Variants in ATP1A3 observed in about 807,000 individuals in gnomAD.
ATP1A3 encodes ATPase Na+/K+ transporting subunit alpha 3, also known as sodium/potassium-transporting ATPase subunit alpha-3.
Under a neutral mutation model 108.8 loss-of-function variants are expected in ATP1A3, and 12 were observed. That is an observed-to-expected ratio of 0.11 (90% CI 0.07 to 0.18). The LOEUF (loss-of-function observed/expected upper bound fraction) is 0.18, where lower values mean the gene tolerates loss of function less well. Ranked by LOEUF, ATP1A3 falls within the 10% of genes least tolerant of loss-of-function variation. The pLI, the probability that ATP1A3 is intolerant of heterozygous loss-of-function variation, is 1.00. For missense variants in ATP1A3, 498 were observed against 1,387.7 expected, an observed-to-expected ratio of 0.36 and a Z score of 10.19; for synonymous variants, 539 against 564.5, an observed-to-expected ratio of 0.95 and a Z score of 0.64.
chr19:41,987,108 G>A (rs2075294278), intron 4 of ATP1A3, among the ~76,000 whole-genome samples: 1 of 152,154 alleles, frequency 6.6e-6, no homozygotes, highest in African/African-American at 2.4e-5. Flanking sequence ...GCGGCTGTCT[G>A]TCCATGTGTC....
At position 41,990,751 on chromosome 19, in the gene ATP1A3, CCTCT is replaced by C. The variant is rs537138242; in HGVS notation, c.7-2193_7-2190del. Among the ~76,000 whole-genome samples, 23 of 146,724 alleles carry C rather than the reference CCTCT, an allele frequency of 1.6e-4. No homozygotes were observed. In the East Asian group the frequency reaches 2.8e-3, roughly 18 times the overall value. On this transcript the variant is annotated intron_variant, in intron 1 of 22. Coordinates refer to ENST00000648268, the MANE Select transcript of ATP1A3 (RefSeq NM_152296.5). ...TTTCGCTGTCTGTCTCTGGGATCTT[CCTCT>C]CTCTCTCTGTCTCTTTCTCTCACTT...
In ATP1A3 at chr19:41,985,553, G is replaced by C. The variant is rs529358982; in HGVS notation, c.607-130C>G. ...CTAGAAGCCTGGGTGCCCAGTGGGT[G>C]AGTGGTGTGTGGGAGGCCAGAGGCT... On this transcript the variant is annotated intron_variant, in intron 6 of 22. Coordinates refer to ENST00000648268, the MANE Select transcript of ATP1A3 (RefSeq NM_152296.5). The surrounding 1 kb of genome is among the most constrained non-coding windows in gnomAD (Gnocchi z 8.2). The C allele has an allele frequency of 2.0e-6, 2 of 991,224 alleles. No individual in the cohort carries two copies. The highest frequency in any genetic ancestry group is 2.2e-4 in the Middle Eastern group (1 of 4,476). 61.4% of individuals were successfully genotyped at this position (991,224 alleles called of 1,614,324 possible).
At position 41,976,536 on chromosome 19, in the gene ATP1A3, G is replaced by A. The variant is rs145869619; in HGVS notation, c.1974C>T (p.Thr658=). The change falls in exon 15 of 23, where the codon ACC becomes ACT. Residue 658 remains threonine, a synonymous_variant. Transcript: ENST00000648268. ...RDAKACVIHG[T]DLKDFTSEQI... ...GCTCGGAGGTGAAGTCCTTGAGGTC[G>A]GTGCCGTGGATCACGCAGGCCTTGG... 85 of 1,614,132 alleles carry A rather than the reference G, an allele frequency of 5.3e-5. 1 individual carries two copies. Among genetic ancestry groups the A allele is most frequent in the East Asian group, 4.7e-4 (21 of 44,874 alleles).
intron 16 of ATP1A3, among the ~76,000 whole-genome samples, chr19:41,974,403 A>G (rs1164281069): frequency 6.6e-6 from 1 of 152,004 alleles, no homozygotes; most frequent in African/African-American, 2.4e-5. Flanking sequence ...TGATTGTGCC[A>G]CTGCACTCCA....
intron 1 of ATP1A3, chr19:41,993,367 C>A: frequency 6.5e-7 from 1 of 1,531,890 alleles, no homozygotes; most frequent in Non-Finnish European, 8.7e-7. Flanking sequence ...CACGCACACC[C>A]TCAGCTGTGC....
At chr19:41,979,299 G>C (rs2145967302) in intron 11 of ATP1A3, among the ~76,000 whole-genome samples, 1 of 149,756 alleles carries the variant, frequency 6.7e-6, no homozygotes, top group Admixed American at 6.6e-5. Context: ...CACCACGTCT[G>C]TGCTCCCCTC....
At chr19:41,984,777 C>T in intron 8 of ATP1A3, 141 bp downstream of exon 8, 2 of 1,003,970 alleles carry the variant, frequency 2.0e-6, no homozygotes, top group East Asian at 5.3e-5. Flanking sequence ...CCCAGCCCCT[C>T]CTCCCCCAGA....
Position 41,988,394 on chromosome 19 carries a change from T to G in ATP1A3, c.94-17A>C, listed in dbSNP as rs1555866222. On this transcript the variant is annotated splice_polypyrimidine_tract_variant and intron_variant, in intron 2 of 22. Coordinates refer to ENST00000648268, the MANE Select transcript of ATP1A3 (RefSeq NM_152296.5). The surrounding 1 kb of genome is among the most constrained non-coding windows in gnomAD (Gnocchi z 5.3). Reference sequence around the variant, plus strand: ...GTGCTCTGTCTGAGGAACAGGAGTTTGGGGGAGACGGTGAGTGCCTAGGCC... The same window carrying G: ...GTGCTCTGTCTGAGGAACAGGAGTTGGGGGGAGACGGTGAGTGCCTAGGCC... The G allele has an allele frequency of 6.2e-7, 1 of 1,614,102 alleles. No individual in the cohort carries two copies. Among genetic ancestry groups the G allele is most frequent in the East Asian group, 2.2e-5 (1 of 44,870 alleles).
chr19:41,972,996 T>G (rs2075130047), intron 16 of ATP1A3, among the ~76,000 whole-genome samples: 1 of 152,178 alleles, frequency 6.6e-6, no homozygotes, highest in Admixed American at 6.5e-5. Flanking sequence ...AATAAGGGCC[T>G]GGGCCGCTCC....
intron 8 of ATP1A3, among the ~76,000 whole-genome samples, chr19:41,983,766 A>AAT (rs2075258992): frequency 9.9e-6 from 1 of 101,266 alleles, no homozygotes; most frequent in Admixed American, 1.1e-4. Flanking sequence ...ATTTAAAAAA[A>AAT]TTTTTTTTTT....
chr19:41,991,473 C>T (rs569036939), intron 1 of ATP1A3, among the ~76,000 whole-genome samples: 252 of 152,220 alleles, frequency 1.7e-3, no homozygotes, highest in African/African-American at 5.8e-3. Flanking sequence ...CCTACAGTGC[C>T]GGGGTGGTCT....
At chr19:41,993,044 TC>T (rs1255206199) in intron 1 of ATP1A3, 1 of 22,644 alleles carries the variant, frequency 4.4e-5, no homozygotes, top group African/African-American at 1.8e-4. Flanking sequence ...TGCAGCCCCA[TC>T]CCCCACCTCC....
At chr19:41,970,603 C>T in intron 16 of ATP1A3, 61 bp from the exon 17 acceptor site, 1 of 1,573,666 alleles carries the variant, frequency 6.4e-7, no homozygotes, top group South Asian at 1.1e-5. Context: ...CCCTCTGCCC[C>T]TCCTCTGCCC....
rs781980860 is a variant in ATP1A3 at position 41,966,639 on chromosome 19, G to C, written c.*298C>G. 1.3e-6 allele frequency: 2 copies of C among 1,497,284 alleles called. No homozygotes were observed. The highest frequency in any genetic ancestry group is 1.8e-6 in the Non-Finnish European group (2 of 1,113,098). 92.7% of individuals were successfully genotyped at this position (1,497,284 alleles called of 1,614,324 possible). A position where few individuals can be genotyped will look rare whatever the true frequency, so the allele number is the denominator to read the frequency against. ...TCCAGAACCAGAGATGGCATCAGCCGGGGGGCTGAAGGGGAGTAAAAAAGA... is the reference window on the plus strand; with the variant it reads ...TCCAGAACCAGAGATGGCATCAGCCCGGGGGCTGAAGGGGAGTAAAAAAGA... On this transcript the variant is annotated 3_prime_UTR_variant, in exon 23 of 23. Transcript: ENST00000648268.
rs2075045569 is a variant in ATP1A3, at chr19:41,966,719, A to G, written c.*218T>C. 1.3e-6 allele frequency: 2 copies of G among 1,536,046 alleles called. No homozygotes were observed. Among genetic ancestry groups the G allele is most frequent in the African/African-American group, 2.8e-5 (2 of 72,304 alleles). ...TGGATAGAGGGGTGAGGAGAGGGAG[A>G]GAAACTGACACAGAAAAGAGAGAGG... On this transcript the variant is annotated 3_prime_UTR_variant, in exon 23 of 23. Transcript: ENST00000648268.
At chr19:41,986,331 G>A (rs933653224) in intron 4 of ATP1A3, 102 bp from the exon 5 acceptor site, 6 of 1,128,988 alleles carry the variant, frequency 5.3e-6, no homozygotes, top group Non-Finnish European at 5.2e-6. Flanking sequence ...GTCAGTGGGG[G>A]TCTGTATTTG....
In ATP1A3 at chr19:41,967,825, CAG is replaced by C. The variant is rs1437382012; in HGVS notation, c.2820-64_2820-63del. 15 of 1,479,156 alleles carry C rather than the reference CAG, an allele frequency of 1.0e-5. No homozygotes were observed. The African/African-American group carries it at 1.5e-4, about 15-fold the overall frequency. 91.6% of individuals were successfully genotyped at this position (1,479,156 alleles called of 1,614,324 possible). On this transcript the variant is annotated intron_variant, in intron 20 of 22. Coordinates refer to ENST00000648268, the MANE Select transcript of ATP1A3 (RefSeq NM_152296.5). The surrounding 1 kb of genome is among the most constrained non-coding windows in gnomAD (Gnocchi z 4.2). ...CACCCACCCTGCACCTGCCACCCCG[CAG>C]AGACAGGGGGAGGCACAGTGCAGAC... is the stretch of plus-strand genomic sequence containing the variant.
intron 18 of ATP1A3, among the ~76,000 whole-genome samples, chr19:41,969,963 G>A (rs1555859394): frequency 1.3e-5 from 2 of 152,218 alleles, no homozygotes; most frequent in Non-Finnish European, 2.9e-5. Flanking sequence ...AGCCCCCAAG[G>A]GTGGCTGCTC....
chr19:41,985,074 C>A lies in ATP1A3; in HGVS notation c.837G>T (p.Glu279Asp). Residue 279 changes from glutamate to aspartate, a missense_variant, in exon 8 of 23, where the codon GAG becomes GAT. Physicochemically the swap from Glu to Asp is conservative, Grantham distance 45. Transcript: ENST00000648268. This position sits in a 1 kb window ranked among gnomAD's most constrained non-coding sequence, Gnocchi z 8.2. The part of the protein sequence containing the change: ...VGKTPIAIEI[E>D]HFIQLITGVA... ...CGCCGGTGATGAGCTGGATGAAGTG[C>A]TCAATCTCGATGGCGATGGGCGTCT... The A allele has an allele frequency of 6.2e-7, 1 of 1,613,908 alleles. No homozygotes were observed. Among genetic ancestry groups the A allele is most frequent in the Non-Finnish European group, 8.5e-7 (1 of 1,179,914 alleles).
Sources: allele counts gnomAD v4.1 joint callset (sites outside exome capture counted in the v4.1 genomes callset), GRCh38; gene constraint gnomAD v4.1.1; non-coding constraint Gnocchi (gnomAD v3.1); transcripts MANE v1.5; gene names NCBI Gene and HGNC (gene_info 2026-07-23, HGNC 2026-07-21).